ZNF714: variants seen among roughly 807,000 people sequenced by gnomAD.
ZNF714 encodes zinc finger protein 714.
A neutral mutation model predicts 46.2 loss-of-function variants in ZNF714; 32 were observed. The observed-to-expected ratio is 0.69, with a 90% confidence interval of 0.52 to 0.93. ZNF714 has a LOEUF of 0.93. Ranked by LOEUF, ZNF714 falls within the 40% of genes least tolerant of loss-of-function variation. The probability of loss-of-function intolerance (pLI) is 0.00; values close to 1 mark genes in which losing one functional copy is unlikely to be tolerated. For missense variants in ZNF714, 635 were observed against 646.3 expected, an observed-to-expected ratio of 0.98 and a Z score of 0.19; for synonymous variants, 199 against 213.1, an observed-to-expected ratio of 0.93 and a Z score of 0.58.
chr19:21,112,816 A>ATTTTTTTTTTTTGTTTTTTTTTTTTTTT (rs1969482966), intron 4 of ZNF714, among the ~76,000 whole-genome samples: 1 of 43,210 alleles, frequency 2.3e-5, no homozygotes, highest in Non-Finnish European at 4.2e-5. Flanking sequence ...TTTATTTCTG[A>ATTTTTTTTTTTTGTTTTTTTTTTTTTTT]TTTTTTTTTT....
intron 2 of ZNF714, among the ~76,000 whole-genome samples, chr19:21,089,725 C>A (rs1490270195): frequency 6.6e-6 from 1 of 152,116 alleles, no homozygotes; most frequent in African/African-American, 2.4e-5. Flanking sequence ...CAGAACCATA[C>A]AGAAAGACAA....
Position 21,118,124 on chromosome 19 carries a change from G to T in ZNF714, c.1460G>T (p.Gly487Val). 1 of 1,613,754 alleles carries T rather than the reference G, an allele frequency of 6.2e-7. No homozygotes were observed. Among genetic ancestry groups the T allele is most frequent in the Non-Finnish European group, 8.5e-7 (1 of 1,179,812 alleles). The change falls in exon 5 of 5, where the codon GGT becomes GTT. Residue 487 changes from glycine to valine, a missense_variant. By Grantham distance (109) the Gly-to-Val change is moderately radical. Transcript: ENST00000456283. Reference sequence around the variant, plus strand: ...AAATCTTACAAATGTGAAGAATGTGGTAAAGCCTTTAACCAATCCTCAACT... The same window carrying T: ...AAATCTTACAAATGTGAAGAATGTGTTAAAGCCTTTAACCAATCCTCAACT... ...GEKSYKCEEC[G>V]KAFNQSSTLT... is the part of the protein sequence containing the mutation.
rs115905689 is a variant in ZNF714 at position 21,084,247 on chromosome 19, A to G, written c.-85+178A>G. Among the ~76,000 whole-genome samples, 1,090 of 152,006 alleles carry G rather than the reference A, an allele frequency of 7.2e-3. 14 individuals carry two copies. Among genetic ancestry groups the G allele is most frequent in the African/African-American group, 0.026 (1,062 of 41,350 alleles). ...AAGACCAAAAAAGAAAAAAAAAATC[A>G]AGCAAACAAACAAAAAACACAAAAA... On this transcript the variant is annotated intron_variant, in intron 2 of 4. Transcript: ENST00000456283.
At chr19:21,093,483 C>G (rs1025858859) in intron 2 of ZNF714, among the ~76,000 whole-genome samples, 1 of 151,914 alleles carries the variant, frequency 6.6e-6, no homozygotes, top group Non-Finnish European at 1.5e-5. Context: ...CCGCCCGCCT[C>G]AGCCTCCCAA....
intron 4 of ZNF714, among the ~76,000 whole-genome samples, chr19:21,114,406 A>C (rs2144875828): frequency 6.7e-6 from 1 of 150,068 alleles, no homozygotes; most frequent in Non-Finnish European, 1.5e-5. Context: ...ACTGCACTCG[A>C]ACCTAGGTGA....
chr19:21,089,243 G>A (rs1238367875), intron 2 of ZNF714, among the ~76,000 whole-genome samples: 1 of 152,152 alleles, frequency 6.6e-6, no homozygotes, highest in Admixed American at 6.5e-5. Flanking sequence ...AGGGTCTATA[G>A]TGTCTCTTCT....
At chr19:21,107,248 T>C (rs1318223759) in intron 4 of ZNF714, among the ~76,000 whole-genome samples, 1 of 152,032 alleles carries the variant, frequency 6.6e-6, no homozygotes, top group Non-Finnish European at 1.5e-5. Flanking sequence ...TTTCTTTCTT[T>C]TTTTTTTTGA....
At chr19:21,084,578 A>G (rs1276076037) in intron 2 of ZNF714, among the ~76,000 whole-genome samples, 2 of 152,132 alleles carry the variant, frequency 1.3e-5, no homozygotes, top group Non-Finnish European at 2.9e-5. Flanking sequence ...AGTCACACAC[A>G]TCTGTTATTT....
At chr19:21,095,872 A>G (rs1408816764) in intron 2 of ZNF714, among the ~76,000 whole-genome samples, 1 of 152,028 alleles carries the variant, frequency 6.6e-6, no homozygotes, top group African/African-American at 2.4e-5. Flanking sequence ...CCATTTGTCA[A>G]TTTTTGCTTT....
In ZNF714 at chr19:21,124,471, A is replaced by AT. The variant is rs1969761134; in HGVS notation, c.*6141dup. ...ATCACAAAGACACAGTATTTGACAC[A>AT]TTGTTATTCTTTTATGTCTTAAAAA... On this transcript the variant is annotated 3_prime_UTR_variant, in exon 5 of 5. Transcript: ENST00000456283. Among the ~76,000 whole-genome samples, 1 of 152,212 alleles carries AT rather than the reference A, an allele frequency of 6.6e-6. No homozygotes were observed. The highest frequency in any genetic ancestry group is 1.5e-5 in the Non-Finnish European group (1 of 68,042).
intron 4 of ZNF714, among the ~76,000 whole-genome samples, chr19:21,100,476 G>A (rs1181025194): frequency 6.6e-6 from 1 of 151,974 alleles, no homozygotes; most frequent in Non-Finnish European, 1.5e-5. Flanking sequence ...AGGTTGTGGT[G>A]AGCCAAGATG....
rs373730153 is a variant in ZNF714 at position 21,117,657 on chromosome 19, T to C, written c.993T>C (p.His331=). 1.2e-6 allele frequency: 2 copies of C among 1,613,104 alleles called. No individual in the cohort carries two copies. Among genetic ancestry groups the C allele is most frequent in the African/African-American group, 1.3e-5 (1 of 74,690 alleles). Residue 331 remains histidine, a synonymous_variant, in exon 5 of 5, where the codon CAT becomes CAC. Coordinates refer to ENST00000456283, the MANE Select transcript of ZNF714 (RefSeq NM_182515.4). The stretch of plus-strand genomic sequence containing the variant: ...ACTGGTCTTCAACCCTTACAAAACA[T>C]AAAAGAATTCATACTGGAGAGAAAC... ...GFNWSSTLTK[H]KRIHTGEKPY...
intron 2 of ZNF714, among the ~76,000 whole-genome samples, chr19:21,093,854 G>T (rs1399459241): frequency 6.6e-6 from 1 of 152,032 alleles, no homozygotes; most frequent in Admixed American, 6.6e-5. Context: ...GGCTGGTCTT[G>T]AACTGTTGAG....
intron 4 of ZNF714, among the ~76,000 whole-genome samples, chr19:21,104,702 T>A (rs1969270862): frequency 6.6e-6 from 1 of 152,080 alleles, no homozygotes; most frequent in Non-Finnish European, 1.5e-5. Flanking sequence ...AACCTCCGCC[T>A]CCTGGATTCC....
At chr19:21,102,741 C>T (rs971883863) in intron 4 of ZNF714, among the ~76,000 whole-genome samples, 1 of 152,050 alleles carries the variant, frequency 6.6e-6, no homozygotes, top group Non-Finnish European at 1.5e-5. Context: ...GTTATCCAGA[C>T]AATTCTTTTT....
At chr19:21,083,886 G>A in intron 1 of ZNF714, 92 bp from the exon 2 acceptor site, 1 of 572,302 alleles carries the variant, frequency 1.7e-6, no homozygotes. Context: ...GTGGGTTTCA[G>A]TACTGTCTGG....
intron 4 of ZNF714, among the ~76,000 whole-genome samples, chr19:21,109,998 A>G (rs867393440): frequency 2.0e-5 from 3 of 152,198 alleles, no homozygotes; most frequent in South Asian, 4.1e-4. Context: ...TCTGTCACAG[A>G]TGGGCATTTG....
At position 21,118,370 on chromosome 19, in the gene ZNF714, T is replaced by G. The variant is rs1238765834; in HGVS notation, c.*38T>G. On this transcript the variant is annotated 3_prime_UTR_variant, in exon 5 of 5. Coordinates refer to ENST00000456283, the MANE Select transcript of ZNF714 (RefSeq NM_182515.4). ...GGGAGGCAGAGGCAGGAGAATCATT[T>G]GAACCTGGGAGGCAGAGGTTGCAGT... is the stretch of plus-strand genomic sequence containing the variant. The G allele has an allele frequency of 4.9e-6, 3 of 615,774 alleles. No homozygotes were observed. The highest frequency in any genetic ancestry group is 8.0e-6 in the Non-Finnish European group (3 of 374,312). The allele number at this position is 615,774 out of a possible 1,614,324, so 38.1% of individuals were successfully genotyped here.
In ZNF714 at chr19:21,117,583, C is replaced by G; in HGVS notation, c.919C>G (p.His307Asp). 6.2e-7 allele frequency: 1 copy of G among 1,607,954 alleles called. No homozygotes were observed. The highest frequency in any genetic ancestry group is 1.1e-5 in the South Asian group (1 of 90,598). ...FSYLTKHKII[H>D]SGEKSYKCEQ... ...ATACCTTACTAAACATAAGATAATT[C>G]ATTCTGGAGAGAAATCTTACAAATG... The change falls in exon 5 of 5, where the codon CAT becomes GAT. Residue 307 changes from histidine to aspartate, a missense_variant. Coordinates refer to ENST00000456283, the MANE Select transcript of ZNF714 (RefSeq NM_182515.4).
Sources: allele counts gnomAD v4.1 joint callset (sites outside exome capture counted in the v4.1 genomes callset), GRCh38; gene constraint gnomAD v4.1.1; transcripts MANE v1.5; gene names NCBI Gene and HGNC (gene_info 2026-07-23, HGNC 2026-07-21).